Variants in SLC38A4 observed in about 807,000 individuals in gnomAD.
The protein encoded by SLC38A4 is solute carrier family 38 member 4, also known as sodium-coupled neutral amino acid transporter 4.
A neutral mutation model predicts 63.1 loss-of-function variants in SLC38A4; 20 were observed. The ratio of observed to expected loss-of-function variants is 0.32; its 90% CI spans 0.22 to 0.46. The LOEUF is 0.46. SLC38A4 is among the 20% of genes least tolerant of loss of function. SLC38A4 has a pLI of 1.00. For missense variants in SLC38A4, 526 were observed against 663.6 expected (o/e 0.79, Z 2.28); for synonymous variants, 230 against 225.5 (o/e 1.02, Z -0.18).
At chr12:46,806,285 T>C (rs780746284) in intron 1 of SLC38A4, among the ~76,000 whole-genome samples, 3 of 151,976 alleles carry the variant, frequency 2.0e-5, no homozygotes, top group Non-Finnish European at 4.4e-5. Context: ...TGGAGCAGAA[T>C]AGGAGAACAG....
At chr12:46,809,037 C>T (rs138539813) in intron 1 of SLC38A4, among the ~76,000 whole-genome samples, 1 of 152,122 alleles carries the variant, frequency 6.6e-6, no homozygotes, top group African/African-American at 2.4e-5. Context: ...TTTCATACTC[C>T]TGCCTGTCCC....
rs372865902 is a variant in SLC38A4 at position 46,788,563 on chromosome 12, C to T, written c.175G>A (p.Gly59Arg). The T allele has an allele frequency of 1.2e-6, 2 of 1,613,436 alleles. No homozygotes were observed. The highest frequency in any genetic ancestry group is 2.7e-5 in the African/African-American group (2 of 74,840). ...SQKFLTNGFL[G>R]KKKLADYADE... The stretch of plus-strand genomic sequence containing the variant: ...GCATAATCTGCCAGCTTCTTTTTCC[C>T]CAAAAATCCATTTGTCAGGAATTTC... Residue 59 changes from glycine (G) to arginine (R), a missense_variant, in exon 4 of 17, where the codon GGG (glycine) becomes AGG (arginine). By Grantham distance (125) the Gly-to-Arg change is moderately radical (BLOSUM62 -2). Coordinates refer to ENST00000266579, the MANE Select transcript of SLC38A4 (RefSeq NM_018018.5).
At chr12:46,800,677 T>C (rs771250698) in intron 2 of SLC38A4, among the ~76,000 whole-genome samples, 3 of 152,134 alleles carry the variant, frequency 2.0e-5, no homozygotes, top group Non-Finnish European at 4.4e-5. Context: ...CTTACTCTTT[T>C]AGTTGCCTAT....
At chr12:46,777,488 G>T (rs962520596) in intron 12 of SLC38A4, among the ~76,000 whole-genome samples, 5 of 151,972 alleles carry the variant, frequency 3.3e-5, no homozygotes, top group African/African-American at 1.2e-4. Flanking sequence ...TGGAGTAACT[G>T]CTACATGTAA....
intron 1 of SLC38A4, among the ~76,000 whole-genome samples, chr12:46,817,973 G>A (rs754434776): frequency 3.9e-4 from 60 of 151,986 alleles, no homozygotes; most frequent in Admixed American, 1.3e-3. Context: ...AACATAAAGT[G>A]TTAAATTTGC....
At chr12:46,789,208 CTTT>C (rs71070319) in intron 3 of SLC38A4, among the ~76,000 whole-genome samples, 1 of 141,788 alleles carries the variant, frequency 7.1e-6, no homozygotes, top group African/African-American at 2.6e-5. Flanking sequence ...TATTTTCTTT[CTTT>C]TTTTTTTTTT....
intron 1 of SLC38A4, among the ~76,000 whole-genome samples, chr12:46,818,499 G>T (rs762073133): frequency 2.0e-5 from 3 of 151,668 alleles, no homozygotes; most frequent in African/African-American, 7.3e-5. Context: ...AAAGTGAAAG[G>T]TCTGATTACT....
chr12:46,796,454 A>G (rs1475269208), intron 2 of SLC38A4, among the ~76,000 whole-genome samples: 3 of 151,980 alleles, frequency 2.0e-5, no homozygotes, highest in African/African-American at 7.3e-5. Flanking sequence ...TTATCTGTTC[A>G]TATTTGTGAA....
At chr12:46,795,420 T>C (rs1737517974) in intron 2 of SLC38A4, among the ~76,000 whole-genome samples, 1 of 152,088 alleles carries the variant, frequency 6.6e-6, no homozygotes, top group Non-Finnish European at 1.5e-5. Context: ...AAGTGGTGTA[T>C]TTGACTACAT....
intron 4 of SLC38A4, 128 bp downstream of exon 4, chr12:46,788,400 G>A (rs184544408): frequency 4.6e-5 from 33 of 713,322 alleles, no homozygotes; most frequent in Admixed American, 2.7e-4. Flanking sequence ...TCCAGTAAGA[G>A]CCTGAATAAA....
intron 1 of SLC38A4, among the ~76,000 whole-genome samples, chr12:46,814,570 C>G (rs1271535040): frequency 6.6e-6 from 1 of 152,006 alleles, no homozygotes; most frequent in Non-Finnish European, 1.5e-5. Context: ...AGTAAGTGAC[C>G]TACATTTCAC....
chr12:46,831,771 G>A (rs766805362), intron 1 of SLC38A4, among the ~76,000 whole-genome samples: 3 of 152,226 alleles, frequency 2.0e-5, no homozygotes, highest in Non-Finnish European at 2.9e-5. Flanking sequence ...GCGGGCGCGG[G>A]TCCAGGGACT....
chr12:46,809,806 A>G (rs1939304309), intron 1 of SLC38A4, among the ~76,000 whole-genome samples: 1 of 151,978 alleles, frequency 6.6e-6, no homozygotes, highest in Non-Finnish European at 1.5e-5. Context: ...GACAGATGGT[A>G]TATTTAGGTC....
At chr12:46,801,037 C>G (rs997701102) in intron 2 of SLC38A4, among the ~76,000 whole-genome samples, 1 of 152,132 alleles carries the variant, frequency 6.6e-6, no homozygotes, top group South Asian at 2.1e-4. Context: ...TTAAGTTTCT[C>G]TCTAATACAA....
intron 16 of SLC38A4, among the ~76,000 whole-genome samples, chr12:46,767,695 G>A (rs1031628974): frequency 2.0e-5 from 3 of 151,946 alleles, no homozygotes; most frequent in African/African-American, 7.3e-5. Context: ...ACTTTATTAA[G>A]GAGTGAAAGA....
intron 1 of SLC38A4, among the ~76,000 whole-genome samples, chr12:46,810,533 A>T (rs1388484762): frequency 6.6e-6 from 1 of 151,634 alleles, no homozygotes; most frequent in Non-Finnish European, 1.5e-5. Context: ...CAGAACTTAC[A>T]GTATAATATA....
intron 1 of SLC38A4, among the ~76,000 whole-genome samples, chr12:46,807,390 A>G (rs1276665091): frequency 6.6e-6 from 1 of 151,882 alleles, no homozygotes; most frequent in Non-Finnish European, 1.5e-5. Context: ...GATCTAATTG[A>G]TTTTTTTAAT....
intron 2 of SLC38A4, among the ~76,000 whole-genome samples, chr12:46,802,760 T>G (rs536986468): frequency 1.3e-5 from 2 of 152,054 alleles, no homozygotes; most frequent in Non-Finnish European, 2.9e-5. Context: ...AATTCAAATA[T>G]TCTTCCACTG....
At chr12:46,802,258 A>G (rs1180461801) in intron 2 of SLC38A4, among the ~76,000 whole-genome samples, 1 of 152,062 alleles carries the variant, frequency 6.6e-6, no homozygotes, top group Non-Finnish European at 1.5e-5. Context: ...ATGCACAGGG[A>G]TATGTAGCAT....
Sources: allele counts gnomAD v4.1 joint callset (sites outside exome capture counted in the v4.1 genomes callset), GRCh38; gene constraint gnomAD v4.1.1; transcripts MANE v1.5; gene names NCBI Gene and HGNC (gene_info 2026-07-23, HGNC 2026-07-21).